Variants in RAP1B observed in about 807,000 individuals in gnomAD.
RAP1B encodes RAP1B, member of RAS oncogene family, also known as ras-related protein Rap-1b.
A neutral mutation model predicts 27.5 loss-of-function variants in RAP1B; 1 was observed. The ratio of observed to expected loss-of-function variants is 0.04; its 90% CI spans 0.01 to 0.17. The LOEUF (loss-of-function observed/expected upper bound fraction) is 0.17. Ranked by LOEUF, RAP1B falls within the 10% of genes least tolerant of loss-of-function variation. RAP1B has a pLI of 1.00. For synonymous variants in RAP1B, 75 were observed against 73.1 expected (o/e 1.03, Z -0.13); for missense variants, 84 against 214.8 (o/e 0.39, Z 3.81).
chr12:68,615,585 A>C (rs1870928533), intron 1 of RAP1B, among the ~76,000 whole-genome samples: 1 of 142,580 alleles, frequency 7.0e-6, no homozygotes, highest in Non-Finnish European at 1.6e-5. Context: ...TGAGACTGTC[A>C]AAAAAAAAAA....
At chr12:68,652,250 A>G (rs1227426738) in intron 4 of RAP1B, among the ~76,000 whole-genome samples, 199 bp downstream of exon 4, 1 of 152,162 alleles carries the variant, frequency 6.6e-6, no homozygotes, top group Non-Finnish European at 1.5e-5. Flanking sequence ...GTTCGAGACC[A>G]GCCTGGCCAA....
intron 1 of RAP1B, among the ~76,000 whole-genome samples, chr12:68,641,996 G>A (rs1446792845): frequency 6.6e-6 from 1 of 152,106 alleles, no homozygotes; most frequent in Non-Finnish European, 1.5e-5. Context: ...ATGAAGTATC[G>A]TATAGTTGCA....
intron 1 of RAP1B, among the ~76,000 whole-genome samples, chr12:68,643,889 GGAAAA>G (rs1235796465): frequency 6.6e-6 from 1 of 151,958 alleles, no homozygotes; most frequent in Non-Finnish European, 1.5e-5. Context: ...ATAAGCAAAA[GGAAAA>G]GAAAATTCCC....
intron 1 of RAP1B, among the ~76,000 whole-genome samples, chr12:68,638,247 G>A (rs1872759850): frequency 6.6e-6 from 1 of 151,864 alleles, no homozygotes; most frequent in South Asian, 2.1e-4. Context: ...CTTAATCTCT[G>A]TAACCAATTT....
intron 1 of RAP1B, among the ~76,000 whole-genome samples, chr12:68,642,103 G>A (rs1487484520): frequency 6.6e-6 from 1 of 152,122 alleles, no homozygotes; most frequent in African/African-American, 2.4e-5. Flanking sequence ...TCATTAGTTG[G>A]TATAATTGGT....
At chr12:68,651,608 T>G (rs1873818961) in intron 3 of RAP1B, 1 of 184,330 alleles carries the variant, frequency 5.4e-6, no homozygotes, top group Admixed American at 5.4e-5. Flanking sequence ...ATGAGGTATA[T>G]CTAAAGTATC....
intron 1 of RAP1B, among the ~76,000 whole-genome samples, chr12:68,630,419 A>C (rs930333335): frequency 1.3e-5 from 2 of 152,130 alleles, no homozygotes. Flanking sequence ...TACCAAAAAA[A>C]ACAAAAACAA....
chr12:68,661,137 G>A lies in RAP1B; in HGVS notation c.*1888G>A, dbSNP rs1052579795. On this transcript the variant is annotated 3_prime_UTR_variant, in exon 8 of 8. Transcript: ENST00000250559. ...GTATCTGCTAATCCCCTAAATACAC[G>A]CTGTTTGAATGATACATTTTTAAAG... 6.6e-6 allele frequency: 1 copy of A among 152,058 alleles called. No individual in the cohort carries two copies. The highest frequency in any genetic ancestry group is 1.5e-5 in the Non-Finnish European group (1 of 68,018). 9.4% of individuals were successfully genotyped at this position (152,058 alleles called of 1,614,324 possible).
intron 1 of RAP1B, among the ~76,000 whole-genome samples, chr12:68,616,475 C>A (rs1043649404): frequency 2.5e-5 from 3 of 122,320 alleles, no homozygotes; most frequent in Non-Finnish European, 4.9e-5. Context: ...GAGACGGAGT[C>A]TCTCTCTGTC....
chr12:68,671,824 CATT>C lies in RAP1B; in HGVS notation c.*12578_*12580del, dbSNP rs1235436851. ...AAAAAAAAAGCTATATGAATGTCATCATTATATGTAAAATATGAATGTAAAATA... is the reference window on the plus strand; with the variant it reads ...AAAAAAAAAGCTATATGAATGTCATCATATGTAAAATATGAATGTAAAATA... On this transcript the variant is annotated 3_prime_UTR_variant, in exon 8 of 8. Coordinates refer to ENST00000250559, the MANE Select transcript of RAP1B (RefSeq NM_001010942.3). 3.3e-5 allele frequency: 5 copies of C among 151,908 alleles called. No individual in the cohort carries two copies. Among genetic ancestry groups the C allele is most frequent in the Admixed American group, 3.3e-4 (5 of 15,246 alleles). 9.4% of individuals were successfully genotyped at this position (151,908 alleles called of 1,614,324 possible). A position where few individuals can be genotyped will look rare whatever the true frequency, so the allele number is the denominator to read the frequency against.
rs934614406 is a variant in RAP1B, at chr12:68,664,039, T to C, written c.*4790T>C. 1 of 152,230 alleles carries C rather than the reference T, an allele frequency of 6.6e-6. No individual in the cohort carries two copies. The highest frequency in any genetic ancestry group is 2.4e-5 in the African/African-American group (1 of 41,460). 9.4% of individuals were successfully genotyped at this position (152,230 alleles called of 1,614,324 possible). ...AAGGGTACGAAGACAGTTTTTACTATGTTGTTTTACTATGAACCTAGTTTA... is the reference window on the plus strand; with the variant it reads ...AAGGGTACGAAGACAGTTTTTACTACGTTGTTTTACTATGAACCTAGTTTA... On this transcript the variant is annotated 3_prime_UTR_variant, in exon 8 of 8. Coordinates refer to ENST00000250559, the MANE Select transcript of RAP1B (RefSeq NM_001010942.3).
At chr12:68,625,128 C>T (rs1018247671) in intron 1 of RAP1B, among the ~76,000 whole-genome samples, 1 of 152,200 alleles carries the variant, frequency 6.6e-6, no homozygotes, top group Non-Finnish European at 1.5e-5. Context: ...TTTGGAGCTA[C>T]TTTAAGTACT....
rs966553410 is a variant in RAP1B at position 68,668,447 on chromosome 12, A to G, written c.*9198A>G. On this transcript the variant is annotated 3_prime_UTR_variant, in exon 8 of 8. Transcript: ENST00000250559. ...GGCTCGACTGCTTTATCTCACTTTGAAAAAGAAAAGTTACAAATTCTAGTA... is the reference window on the plus strand; with the variant it reads ...GGCTCGACTGCTTTATCTCACTTTGGAAAAGAAAAGTTACAAATTCTAGTA... The G allele has an allele frequency of 1.3e-5, 2 of 152,208 alleles. No homozygotes were observed. The highest frequency in any genetic ancestry group is 2.9e-5 in the Non-Finnish European group (2 of 68,028). 9.4% of individuals were successfully genotyped at this position (152,208 alleles called of 1,614,324 possible). A position where few individuals can be genotyped will look rare whatever the true frequency, so the allele number is the denominator to read the frequency against.
At chr12:68,621,645 CTTG>C (rs894928001) in intron 1 of RAP1B, among the ~76,000 whole-genome samples, 22 of 152,176 alleles carry the variant, frequency 1.4e-4, no homozygotes, top group Non-Finnish European at 2.4e-4. Flanking sequence ...TTAAGAGGTT[CTTG>C]TTAAGTGCAG....
At chr12:68,627,222 TC>T in intron 1 of RAP1B, 1 of 1,452,500 alleles carries the variant, frequency 6.9e-7, no homozygotes, top group Non-Finnish European at 9.5e-7. Flanking sequence ...AACATGAACA[TC>T]CATCTGAAAG....
At position 68,615,520 on chromosome 12, in the gene RAP1B, C is replaced by T. The variant is rs554476837; in HGVS notation, c.-27+4477C>T. Among the ~76,000 whole-genome samples the T allele has an allele frequency of 5.3e-5, 8 of 151,206 alleles. No homozygotes were observed. The East Asian group carries it at 5.8e-4, about 11-fold the overall frequency. On this transcript the variant is annotated intron_variant, in intron 1 of 7. Coordinates refer to ENST00000250559, the MANE Select transcript of RAP1B (RefSeq NM_001010942.3). ...AGGAGAATCGCTTGAACCTGGGAGGCGGAGGTTGCAGTGAGCCAAGATCGC... is the reference window on the plus strand; with the variant it reads ...AGGAGAATCGCTTGAACCTGGGAGGTGGAGGTTGCAGTGAGCCAAGATCGC...
chr12:68,650,527 CT>C, intron 3 of RAP1B, 59 bp downstream of exon 3: 1 of 1,262,356 alleles, frequency 7.9e-7, no homozygotes, highest in Non-Finnish European at 1.1e-6. Flanking sequence ...CTTATTTTAG[CT>C]TTATAATTAT....
intron 1 of RAP1B, among the ~76,000 whole-genome samples, chr12:68,628,251 TCTC>T (rs1871964354): frequency 1.3e-5 from 2 of 152,188 alleles, no homozygotes; most frequent in African/African-American, 2.4e-5. Context: ...AGATTTCTCT[TCTC>T]CTCTTGGTTG....
rs1874780547 is a variant in RAP1B at position 68,664,806 on chromosome 12, T to C, written c.*5557T>C. On this transcript the variant is annotated 3_prime_UTR_variant, in exon 8 of 8. Transcript: ENST00000250559. Reference sequence around the variant, plus strand: ...AAATAAACTATCAGATCTAATAACTTTTCTAACCATAGGTGATTCTTCTTC... The same window carrying C: ...AAATAAACTATCAGATCTAATAACTCTTCTAACCATAGGTGATTCTTCTTC... 1 of 152,202 alleles carries C rather than the reference T, an allele frequency of 6.6e-6. No individual in the cohort carries two copies. Among genetic ancestry groups the C allele is most frequent in the Admixed American group, 6.5e-5 (1 of 15,274 alleles). The allele number at this position is 152,202 out of a possible 1,614,324, so 9.4% of individuals were successfully genotyped here.
Sources: allele counts gnomAD v4.1 joint callset (sites outside exome capture counted in the v4.1 genomes callset), GRCh38; gene constraint gnomAD v4.1.1; transcripts MANE v1.5; gene names NCBI Gene and HGNC (gene_info 2026-07-23, HGNC 2026-07-21).